FHIT: variants seen among roughly 807,000 people sequenced by gnomAD.
The protein encoded by FHIT is bis(5'-adenosyl)-triphosphatase.
In FHIT, 19 loss-of-function variants were observed where a neutral mutation model predicts 17.9. The observed-to-expected ratio is 1.06, with a 90% CI of 0.74 to 1.56. The LOEUF (loss-of-function observed/expected upper bound fraction) is 1.56. Ranked by LOEUF, FHIT falls within the 40% of genes most tolerant of loss-of-function variation. The probability of loss-of-function intolerance (pLI) is 0.00; values close to 1 mark genes in which losing one functional copy is unlikely to be tolerated. For missense variants in FHIT, 248 were observed against 189.2 expected (o/e 1.31, Z -1.82); for synonymous variants, 81 against 69.7 (o/e 1.16, Z -0.81).
intron 8 of FHIT, among the ~76,000 whole-genome samples, chr3:59,808,257 G>T (rs1464495549): frequency 1.3e-5 from 2 of 152,194 alleles, no homozygotes; most frequent in African/African-American, 2.4e-5. Context: ...AGTGTGGTTT[G>T]AAAGGGGGCT....
chr3:61,035,655 T>C (rs1411592462), intron 3 of FHIT, among the ~76,000 whole-genome samples: 1 of 152,216 alleles, frequency 6.6e-6, no homozygotes, highest in Non-Finnish European at 1.5e-5. Context: ...AGCTTTCTCA[T>C]ATGTAAACTG....
intron 8 of FHIT, among the ~76,000 whole-genome samples, chr3:59,855,479 A>G (rs568491965): frequency 6.6e-5 from 10 of 152,300 alleles, no homozygotes; most frequent in African/African-American, 2.2e-4. Context: ...ATCTTATGCT[A>G]TCCTCACAAA....
At chr3:60,625,244 G>A (rs1446143200) in intron 4 of FHIT, among the ~76,000 whole-genome samples, 2 of 152,190 alleles carry the variant, frequency 1.3e-5, no homozygotes, top group Non-Finnish European at 2.9e-5. Flanking sequence ...ATGTTGCTAT[G>A]AACATTCACG....
rs139377823 is a variant in FHIT, at chr3:60,687,917, T to C, written c.-18+134002A>G. Among the ~76,000 whole-genome samples the C allele has an allele frequency of 3.0e-4, 45 of 152,284 alleles. No individual in the cohort carries two copies. The East Asian group carries it at 7.7e-3, about 26-fold the overall frequency. On this transcript the variant is annotated intron_variant, in intron 4 of 9. Transcript: ENST00000492590. Reference sequence around the variant, plus strand: ...GAAAATATAACCTTCTTGATTGCATTTAATATTTTTATAGCCTTTGATTCT... The same window carrying C: ...GAAAATATAACCTTCTTGATTGCATCTAATATTTTTATAGCCTTTGATTCT...
At chr3:61,002,625 A>T (rs1051348396) in intron 3 of FHIT, among the ~76,000 whole-genome samples, 2 of 152,008 alleles carry the variant, frequency 1.3e-5, no homozygotes, top group African/African-American at 4.8e-5. Context: ...CCTATCCCCC[A>T]GCCTCTAGTG....
At chr3:60,171,747 C>A (rs1197250865) in intron 5 of FHIT, among the ~76,000 whole-genome samples, 1 of 152,098 alleles carries the variant, frequency 6.6e-6, no homozygotes, top group Non-Finnish European at 1.5e-5. Context: ...TGTATACAGC[C>A]CAGGCTGGAA....
chr3:59,942,861 C>T (rs867349292), intron 7 of FHIT, among the ~76,000 whole-genome samples: 2 of 151,960 alleles, frequency 1.3e-5, no homozygotes, highest in African/African-American at 2.4e-5. Context: ...GTTGTCCAGG[C>T]TGCTCTCAAA....
intron 5 of FHIT, among the ~76,000 whole-genome samples, chr3:60,492,604 T>C (rs1170607839): frequency 1.3e-5 from 2 of 151,648 alleles, no homozygotes; most frequent in Non-Finnish European, 2.9e-5. Flanking sequence ...CCTCCCAGGT[T>C]CAAGCGATTC....
At chr3:60,884,105 T>C (rs1553758679) in intron 3 of FHIT, among the ~76,000 whole-genome samples, 2 of 152,078 alleles carry the variant, frequency 1.3e-5, no homozygotes, top group Non-Finnish European at 2.9e-5. Context: ...AAGAGGCATA[T>C]GAAAAAATGC....
At chr3:60,264,062 G>A (rs1253245084) in intron 5 of FHIT, among the ~76,000 whole-genome samples, 1 of 151,708 alleles carries the variant, frequency 6.6e-6, no homozygotes, top group Non-Finnish European at 1.5e-5. Flanking sequence ...CATCAACAAA[G>A]TATGTGGCAT....
At position 59,764,227 on chromosome 3, in the gene FHIT, G is replaced by A. The variant is rs377685624; in HGVS notation, c.349-11906C>T. Among the ~76,000 whole-genome samples, 6 of 152,304 alleles carry A rather than the reference G, an allele frequency of 3.9e-5. No individual in the cohort carries two copies. The South Asian group carries it at 1.2e-3, about 32-fold the overall frequency. On this transcript the variant is annotated intron_variant, in intron 8 of 9. Coordinates refer to ENST00000492590, the MANE Select transcript of FHIT (RefSeq NM_002012.4). Reference sequence around the variant, plus strand: ...TGTGGTGACTACCATGGAGCAGCAAGGATGCAGGCTGACCTCACAGACTTC... The same window carrying A: ...TGTGGTGACTACCATGGAGCAGCAAAGATGCAGGCTGACCTCACAGACTTC...
In FHIT at chr3:60,420,081, T is replaced by C. The variant is rs75112822; in HGVS notation, c.103+116779A>G. ...GAATCTTGCTTTATTTCTTATTCTC[T>C]CTTCCCAGACCACTCAAAATGTTAA... On this transcript the variant is annotated intron_variant, in intron 5 of 9. Coordinates refer to ENST00000492590, the MANE Select transcript of FHIT (RefSeq NM_002012.4). 8.5e-5 allele frequency among the ~76,000 whole-genome samples: 13 copies of C among 152,284 alleles called. No homozygotes were observed. The East Asian group carries it at 2.5e-3, about 29-fold the overall frequency.
chr3:60,826,527 T>C (rs1702129770), intron 3 of FHIT, among the ~76,000 whole-genome samples: 2 of 152,186 alleles, frequency 1.3e-5, no homozygotes, highest in Admixed American at 1.3e-4. Flanking sequence ...GGTTTCTCCA[T>C]GTTGGTCAGG....
At chr3:60,488,178 G>C (rs2033918963) in intron 5 of FHIT, among the ~76,000 whole-genome samples, 2 of 152,134 alleles carry the variant, frequency 1.3e-5, no homozygotes, top group Non-Finnish European at 2.9e-5. Flanking sequence ...ACAGCAGCAG[G>C]GACCTGCTAA....
chr3:60,667,600 A>G (rs1199179505), intron 4 of FHIT, among the ~76,000 whole-genome samples: 1 of 152,054 alleles, frequency 6.6e-6, no homozygotes, highest in East Asian at 1.9e-4. Flanking sequence ...TATCTGATTC[A>G]TCTTGGTGTT....
chr3:60,983,135 TTGTGTGTG>T (rs60471009), intron 3 of FHIT, among the ~76,000 whole-genome samples: 24 of 148,938 alleles, frequency 1.6e-4, no homozygotes, highest in African/African-American at 4.9e-4. Context: ...ACCTTCTCTC[TTGTGTGTG>T]TGTGTGTGTG....
At chr3:59,998,629 C>A (rs3772507) in intron 7 of FHIT, among the ~76,000 whole-genome samples, 20,113 of 152,018 alleles carry the variant, frequency 0.13, 1,626 homozygotes, top group South Asian at 0.24. Flanking sequence ...AAGAAAGTAA[C>A]AAGTGGTTCT....
intron 5 of FHIT, among the ~76,000 whole-genome samples, chr3:60,287,019 A>G (rs1707758190): frequency 6.6e-6 from 1 of 152,146 alleles, no homozygotes; most frequent in African/African-American, 2.4e-5. Context: ...TAATATTTTG[A>G]TATTAGCAGG....
intron 3 of FHIT, among the ~76,000 whole-genome samples, chr3:60,960,677 C>T (rs1221742376): frequency 6.6e-6 from 1 of 152,164 alleles, no homozygotes; most frequent in Non-Finnish European, 1.5e-5. Flanking sequence ...TGAGTGAGAA[C>T]ATGCAGTGTT....
Sources: gnomAD v4.1 joint callset for allele counts (sites outside exome capture counted in the v4.1 genomes callset) on GRCh38, gnomAD v4.1.1 for gene constraint, MANE v1.5 for transcripts, NCBI Gene and HGNC (gene_info 2026-07-23, HGNC 2026-07-21) for gene names.